HYPK: variants seen among roughly 807,000 people sequenced by gnomAD.
HYPK encodes huntingtin-interacting protein K.
A neutral mutation model predicts 13.9 loss-of-function variants in HYPK; 9 were observed. The ratio of observed to expected loss-of-function variants is 0.65; its 90% CI spans 0.39 to 1.13. The LOEUF (loss-of-function observed/expected upper bound fraction) is 1.13, where lower values mean the gene tolerates loss of function less well. HYPK is among the 50% of genes most tolerant of loss of function. The probability of loss-of-function intolerance (pLI) is 0.01; values close to 1 mark genes in which losing one functional copy is unlikely to be tolerated. For synonymous variants in HYPK, 76 were observed against 57.0 expected (o/e 1.33, Z -1.50); for missense variants, 138 against 157.6 (o/e 0.88, Z 0.67).
rs1491571288 is a variant in HYPK, at chr15:43,803,824, TCA to T, written c.*2023_*2024del. On this transcript the variant is annotated 3_prime_UTR_variant, in exon 4 of 4. Coordinates refer to ENST00000442995, the MANE Select transcript of HYPK (RefSeq NM_016400.4). ...AAAAAAAAAATCAGCTTGGACCAAC[TCA>T]CACATGTTGAACTAGTTTCCTCAAC... is the stretch of plus-strand genomic sequence containing the variant. Among the ~76,000 whole-genome samples the T allele has an allele frequency of 5.4e-5, 8 of 147,226 alleles. No homozygotes were observed. Among genetic ancestry groups the T allele is most frequent in the African/African-American group, 2.0e-4 (8 of 39,916 alleles).
chr15:43,801,453 AC>A, intron 2 of HYPK, 64 bp from the exon 3 acceptor site: 1 of 1,368,176 alleles, frequency 7.3e-7, no homozygotes, highest in East Asian at 2.3e-5. Flanking sequence ...TCTGGGAATG[AC>A]CCTTCCTGGG....
At position 43,802,134 on chromosome 15, in the gene HYPK, C is replaced by A; in HGVS notation, c.*328C>A. 3.6e-6 allele frequency: 1 copy of A among 275,372 alleles called. No individual in the cohort carries two copies. The highest frequency in any genetic ancestry group is 2.2e-5 in the African/African-American group (1 of 46,168). The allele number at this position is 275,372 out of a possible 1,614,324, so 17.1% of individuals were successfully genotyped here. A position where few individuals can be genotyped will look rare whatever the true frequency, so the allele number is the denominator to read the frequency against. On this transcript the variant is annotated 3_prime_UTR_variant, in exon 4 of 4. Transcript: ENST00000442995. ...CAAATGGCATGTGTCTCCAAGACAG[C>A]TTATGAATATCTAAAAGGCCAGCTA...
At chr15:43,801,093 T>A (rs934732861) in intron 1 of HYPK, 39 bp from the exon 2 acceptor site, 1 of 1,560,650 alleles carries the variant, frequency 6.4e-7, no homozygotes, top group African/African-American at 1.4e-5. Flanking sequence ...TTGGGAATTG[T>A]GGGTAGCGGT....
rs931193553 is a variant in HYPK, at chr15:43,801,928, T to C, written c.*122T>C. 1.5e-5 allele frequency: 11 copies of C among 754,836 alleles called. No homozygotes were observed. Among genetic ancestry groups the C allele is most frequent in the African/African-American group, 3.5e-5 (2 of 56,584 alleles). The allele number at this position is 754,836 out of a possible 1,614,324, so 46.8% of individuals were successfully genotyped here. On this transcript the variant is annotated 3_prime_UTR_variant, in exon 4 of 4. Transcript: ENST00000442995. Reference sequence around the variant, plus strand: ...ATACTATATCCTATGTTGTGGAGAATTTATATGTTGGAGACTAACTGAATT... The same window carrying C: ...ATACTATATCCTATGTTGTGGAGAACTTATATGTTGGAGACTAACTGAATT...
chr15:43,803,201 C>T lies in HYPK; in HGVS notation c.*1395C>T, dbSNP rs577705306. ...GTCAGGATTTCCAGACCAGCCTGGG[C>T]AACATAGCATGACCTTGTCTCTACT... On this transcript the variant is annotated 3_prime_UTR_variant, in exon 4 of 4. Coordinates refer to ENST00000442995, the MANE Select transcript of HYPK (RefSeq NM_016400.4). Among the ~76,000 whole-genome samples the T allele has an allele frequency of 1.4e-5, 2 of 145,190 alleles. No individual in the cohort carries two copies. The highest frequency in any genetic ancestry group is 4.2e-4 in the East Asian group (2 of 4,758).
At chr15:43,801,391 G>A (rs1445195089) in intron 2 of HYPK, 127 bp from the exon 3 acceptor site, 5 of 909,298 alleles carry the variant, frequency 5.5e-6, no homozygotes, top group South Asian at 3.2e-5. Flanking sequence ...GAGTATTAGT[G>A]GGAGTTTTTA....
At position 43,800,739 on chromosome 15, in the gene HYPK, C is replaced by G; in HGVS notation, c.117C>G (p.Thr39=). Reference sequence around the variant, plus strand: ...GTGCGGCGGACTTGGAGCGGGTCACCGACTATGCAGAGGAGAAGGAGATCC... The same window carrying G: ...GTGCGGCGGACTTGGAGCGGGTCACGGACTATGCAGAGGAGAAGGAGATCC... ...DSGAADLERV[T]DYAEEKEIQS... The change falls in exon 1 of 4, where the codon ACC becomes ACG. Residue 39 remains threonine (T), a synonymous_variant. Transcript: ENST00000442995. 6.2e-7 allele frequency: 1 copy of G among 1,613,706 alleles called. No homozygotes were observed. Among genetic ancestry groups the G allele is most frequent in the Non-Finnish European group, 8.5e-7 (1 of 1,179,924 alleles).
At chr15:43,801,083 T>C (rs770241867) in intron 1 of HYPK, 49 bp from the exon 2 acceptor site, 12 of 1,511,430 alleles carry the variant, frequency 7.9e-6, no homozygotes, top group Admixed American at 5.0e-5. Flanking sequence ...TTTTAGATTA[T>C]TGGGAATTGT....
At chr15:43,801,059 T>A (rs2087307925) in intron 1 of HYPK, 73 bp from the exon 2 acceptor site, 1 of 1,333,664 alleles carries the variant, frequency 7.5e-7, no homozygotes, top group African/African-American at 1.4e-5. Context: ...CATGAACCGC[T>A]TGTTTTGTTG....
chr15:43,800,830 G>A (rs779636626), intron 1 of HYPK, 46 bp downstream of exon 1: 11 of 1,509,260 alleles, frequency 7.3e-6, no homozygotes, highest in Non-Finnish European at 8.1e-6. Flanking sequence ...GAGCAGAGGG[G>A]GGCTCTGAGG....
chr15:43,802,164 C>A lies in HYPK; in HGVS notation c.*358C>A. 4.2e-6 allele frequency: 1 copy of A among 238,770 alleles called. No individual in the cohort carries two copies. The highest frequency in any genetic ancestry group is 8.4e-6 in the Non-Finnish European group (1 of 119,490). The allele number at this position is 238,770 out of a possible 1,614,324, so 14.8% of individuals were successfully genotyped here. ...GAATATCTAAAAGGCCAGCTACCTG[C>A]CTAGGAGCCACTATATATATAGATA... On this transcript the variant is annotated 3_prime_UTR_variant, in exon 4 of 4. Coordinates refer to ENST00000442995, the MANE Select transcript of HYPK (RefSeq NM_016400.4).
In HYPK at chr15:43,802,569, C is replaced by CAAAAAAAAAAAATAA. The variant is rs2087330349; in HGVS notation, c.*775_*776insTAAAAAAAAAAAAAA. 3.5e-5 allele frequency: 1 copy of CAAAAAAAAAAAATAA among 28,972 alleles called. No individual in the cohort carries two copies. Among genetic ancestry groups the CAAAAAAAAAAAATAA allele is most frequent in the African/African-American group, 1.8e-4 (1 of 5,646 alleles). The allele number at this position is 28,972 out of a possible 1,614,324, so 1.8% of individuals were successfully genotyped here. ...TGGGGGAAAGAGTGAAACTCCATCT[C>CAAAAAAAAAAAATAA]AAAAAAAAAAAAAAAAAAAAAAGCC... On this transcript the variant is annotated 3_prime_UTR_variant, in exon 4 of 4. Transcript: ENST00000442995.
upstream of HYPK, chr15:43,800,590 G>A: frequency 6.2e-7 from 1 of 1,613,680 alleles, no homozygotes; most frequent in Non-Finnish European, 8.5e-7. Flanking sequence ...TCGGCGTGAG[G>A]TGGGGCTTAT....
Position 43,802,006 on chromosome 15 carries a change from A to C in HYPK, c.*200A>C. 1.7e-6 allele frequency: 1 copy of C among 585,442 alleles called. No individual in the cohort carries two copies. The highest frequency in any genetic ancestry group is 3.0e-6 in the Non-Finnish European group (1 of 330,096). 36.3% of individuals were successfully genotyped at this position (585,442 alleles called of 1,614,324 possible). On this transcript the variant is annotated 3_prime_UTR_variant, in exon 4 of 4. Transcript: ENST00000442995. ...CTGTATGAAAAATCAGTGTAGAAGA[A>C]TACCTCATGTGCAGATGCTAGGTGG...
Position 43,802,548 on chromosome 15 carries a change from G to A in HYPK, c.*742G>A, listed in dbSNP as rs1442463097. The stretch of plus-strand genomic sequence containing the variant: ...CTGTACTACTGTACTCCAGCCTGGG[G>A]GAAAGAGTGAAACTCCATCTCAAAA... On this transcript the variant is annotated 3_prime_UTR_variant, in exon 4 of 4. Coordinates refer to ENST00000442995, the MANE Select transcript of HYPK (RefSeq NM_016400.4). The A allele has an allele frequency of 7.9e-6, 1 of 126,570 alleles. No individual in the cohort carries two copies. Among genetic ancestry groups the A allele is most frequent in the Admixed American group, 8.9e-5 (1 of 11,240 alleles). 7.8% of individuals were successfully genotyped at this position (126,570 alleles called of 1,614,324 possible).
At chr15:43,800,499 T>C (rs959128811), upstream of HYPK, 26 of 1,312,688 alleles carry the variant, frequency 2.0e-5, no homozygotes, top group Non-Finnish European at 2.6e-5. Flanking sequence ...CTGAAGCTTC[T>C]AGAACTGGAG....
rs564906933 is a variant in HYPK, at chr15:43,804,043, C to T, written c.*2237C>T. On this transcript the variant is annotated 3_prime_UTR_variant, in exon 4 of 4. Transcript: ENST00000442995. ...GCAGGCGCCTGTAGTCCCAGCTACT[C>T]GGGAGGCTGAGGCACTCTAGCCTGG... is the stretch of plus-strand genomic sequence containing the variant. Among the ~76,000 whole-genome samples, 272 of 150,126 alleles carry T rather than the reference C, an allele frequency of 1.8e-3. No individual in the cohort carries two copies. Among genetic ancestry groups the T allele is most frequent in the Non-Finnish European group, 2.3e-3 (158 of 67,468 alleles).
rs1245485937 is a variant in HYPK at position 43,800,609 on chromosome 15, G to A, written c.-14G>A. 7 of 1,613,960 alleles carry A rather than the reference G, an allele frequency of 4.3e-6. No individual in the cohort carries two copies. The highest frequency in any genetic ancestry group is 5.1e-6 in the Non-Finnish European group (6 of 1,179,998). On this transcript the variant is annotated 5_prime_UTR_variant, in exon 1 of 4. In the 5' UTR this introduces an upstream ATG that the reference lacks. Transcript: ENST00000442995. Reference sequence around the variant, plus strand: ...CGTGAGGTGGGGCTTATGCGGCGGCGTGGTGAAATAGATATGGCGACCGAG... The same window carrying A: ...CGTGAGGTGGGGCTTATGCGGCGGCATGGTGAAATAGATATGGCGACCGAG...
chr15:43,801,273 C>T (rs2087311804), intron 2 of HYPK, 86 bp downstream of exon 2: 1 of 1,205,258 alleles, frequency 8.3e-7, no homozygotes, highest in Non-Finnish European at 1.2e-6. Context: ...AGCCTTTATA[C>T]CGTTCTTCAA....
Sources: gnomAD v4.1 joint callset for allele counts (sites outside exome capture counted in the v4.1 genomes callset) on GRCh38, gnomAD v4.1.1 for gene constraint, MANE v1.5 for transcripts, NCBI Gene and HGNC (gene_info 2026-07-23, HGNC 2026-07-21) for gene names.